RBFOX1: variants seen among roughly 807,000 people sequenced by gnomAD.
The protein encoded by RBFOX1 is RNA binding fox-1 homolog 1, also known as RNA binding protein fox-1 homolog 1.
Under a neutral mutation model 57.7 loss-of-function variants are expected in RBFOX1, and 8 were observed. That is an observed-to-expected ratio of 0.14 (90% confidence interval 0.08 to 0.25). RBFOX1 has a LOEUF of 0.25. Among genes scored for constraint, RBFOX1 ranks in the 10% least tolerant of loss-of-function variants. The pLI is 1.00. For synonymous variants in RBFOX1, 326 were observed against 222.4 expected (o/e 1.47, Z -4.15); for missense variants, 611 against 548.5 (o/e 1.11, Z -1.14).
At chr16:6,552,330 GC>G (rs2097006997) in intron 2 of RBFOX1, among the ~76,000 whole-genome samples, 2 of 152,134 alleles carry the variant, frequency 1.3e-5, no homozygotes, top group South Asian at 4.1e-4. Context: ...GTGAATCAGA[GC>G]CCAGTTTTGG....
chr16:5,422,380 G>A (rs1267781384), intron 1 of RBFOX1, among the ~76,000 whole-genome samples: 2 of 30,158 alleles, frequency 6.6e-5, no homozygotes, highest in East Asian at 3.4e-3. Flanking sequence ...GAGCAGAGAA[G>A]AGAAATGAGG....
chr16:6,844,739 C>G (rs376848646), intron 3 of RBFOX1, among the ~76,000 whole-genome samples: 2 of 152,134 alleles, frequency 1.3e-5, no homozygotes, highest in Admixed American at 6.5e-5. Flanking sequence ...ATTTCTGCAT[C>G]TAGGTCTTTG....
At chr16:6,528,880 C>T (rs1255073439) in intron 2 of RBFOX1, among the ~76,000 whole-genome samples, 1 of 152,126 alleles carries the variant, frequency 6.6e-6, no homozygotes, top group South Asian at 2.1e-4. Flanking sequence ...TCCCAAATGT[C>T]TCCTGGTGGA....
At chr16:6,325,104 C>G (rs2082227907) in intron 2 of RBFOX1, among the ~76,000 whole-genome samples, 1 of 151,972 alleles carries the variant, frequency 6.6e-6, no homozygotes, top group Admixed American at 6.6e-5. Context: ...GCTTATAAGC[C>G]CAGAACTTTG....
chr16:7,014,281 T>C (rs965931159), intron 3 of RBFOX1, among the ~76,000 whole-genome samples: 1 of 151,852 alleles, frequency 6.6e-6, no homozygotes, highest in Non-Finnish European at 1.5e-5. Context: ...GGCATGATTT[T>C]GGCTCACTAC....
At chr16:5,846,113 C>T (rs189545140) in intron 3 of RBFOX1, among the ~76,000 whole-genome samples, 76 of 150,658 alleles carry the variant, frequency 5.0e-4, no homozygotes, top group Non-Finnish European at 8.3e-4. Flanking sequence ...ACCTTGGAGG[C>T]GGAGGTTGCA....
chr16:6,720,499 A>C (rs920217186), intron 3 of RBFOX1, among the ~76,000 whole-genome samples: 6 of 152,240 alleles, frequency 3.9e-5, no homozygotes, highest in Admixed American at 3.9e-4. Context: ...AAGAGGAGCC[A>C]GCCAGGGATA....
At chr16:7,545,613 C>G (rs970756166) in intron 5 of RBFOX1, among the ~76,000 whole-genome samples, 4 of 152,196 alleles carry the variant, frequency 2.6e-5, no homozygotes, top group Admixed American at 2.6e-4. Context: ...GTCTCCACTT[C>G]TTTCCACCTC....
At chr16:5,512,271 C>T (rs1013223332) in intron 2 of RBFOX1, among the ~76,000 whole-genome samples, 5 of 152,164 alleles carry the variant, frequency 3.3e-5, no homozygotes, top group African/African-American at 4.8e-5. Context: ...AGACAAAAGG[C>T]ACTGGAGGTG....
At chr16:6,247,274 A>G (rs1348862079) in intron 1 of RBFOX1, among the ~76,000 whole-genome samples, 1 of 152,160 alleles carries the variant, frequency 6.6e-6, no homozygotes, top group Non-Finnish European at 1.5e-5. Flanking sequence ...CCCAGCCTTC[A>G]ATGGATTGAG....
At chr16:7,367,683 C>A (rs957959663) in intron 4 of RBFOX1, among the ~76,000 whole-genome samples, 2 of 152,102 alleles carry the variant, frequency 1.3e-5, no homozygotes, top group Non-Finnish European at 2.9e-5. Flanking sequence ...AACAAATGTC[C>A]CATCCCATCT....
At chr16:7,477,179 T>A (rs1481839972) in intron 4 of RBFOX1, among the ~76,000 whole-genome samples, 1 of 152,222 alleles carries the variant, frequency 6.6e-6, no homozygotes, top group Non-Finnish European at 1.5e-5. Context: ...AATGGCATTC[T>A]TGTGGATGCT....
intron 4 of RBFOX1, among the ~76,000 whole-genome samples, chr16:7,402,848 G>A (rs952006406): frequency 6.6e-6 from 1 of 152,154 alleles, no homozygotes; most frequent in Non-Finnish European, 1.5e-5. Context: ...GCACCTGTAA[G>A]GGGGACATCA....
intron 10 of RBFOX1, among the ~76,000 whole-genome samples, chr16:7,626,866 G>A (rs549352750): frequency 6.6e-6 from 1 of 152,274 alleles, no homozygotes; most frequent in South Asian, 2.1e-4. Context: ...TCCTTCTGAG[G>A]ATCAGGTATT....
intron 3 of RBFOX1, among the ~76,000 whole-genome samples, chr16:6,808,460 C>T (rs1379302636): frequency 6.6e-6 from 1 of 152,114 alleles, no homozygotes; most frequent in East Asian, 1.9e-4. Context: ...GATCTCACCC[C>T]TTGCTTCCCC....
intron 1 of RBFOX1, among the ~76,000 whole-genome samples, chr16:6,209,251 G>C (rs779126331): frequency 1.3e-5 from 2 of 152,208 alleles, no homozygotes; most frequent in Non-Finnish European, 2.9e-5. Flanking sequence ...CACCAGGGAA[G>C]AGGGGCCACG....
chr16:7,251,964 A>C (rs1005400713), intron 4 of RBFOX1, among the ~76,000 whole-genome samples: 2 of 152,188 alleles, frequency 1.3e-5, no homozygotes, highest in Admixed American at 6.5e-5. Flanking sequence ...ACAGTGGGGC[A>C]CTGGGTGATT....
chr16:6,806,836 A>ATATATATATATATATATATAT (rs754342591), intron 3 of RBFOX1, among the ~76,000 whole-genome samples: 35 of 91,854 alleles, frequency 3.8e-4, no homozygotes, highest in Non-Finnish European at 5.8e-4. Flanking sequence ...ATATATATAT[A>ATATATATATATATATATATAT]TTTTTTTTTT....
At position 6,661,886 on chromosome 16, in the gene RBFOX1, T is replaced by G. The variant is rs117070105; in HGVS notation, c.-16+7236T>G. Among the ~76,000 whole-genome samples, 191 of 152,324 alleles carry G rather than the reference T, an allele frequency of 1.3e-3. 2 individuals carry two copies. In the East Asian group the frequency reaches 0.034, roughly 27 times the overall value. ...TCTATACTGTTGTGCATAATGGCTA[T>G]AAGGATATATGAGAATATCCATTTT... On this transcript the variant is annotated intron_variant, in intron 3 of 15. Transcript: ENST00000550418.
Sources: gnomAD v4.1 joint callset for allele counts (sites outside exome capture counted in the v4.1 genomes callset) on GRCh38, gnomAD v4.1.1 for gene constraint, MANE v1.5 for transcripts, NCBI Gene and HGNC (gene_info 2026-07-23, HGNC 2026-07-21) for gene names.